CCDC138: variants seen among roughly 807,000 people sequenced by gnomAD.
CCDC138 encodes coiled-coil domain containing 138.
CCDC138 carries 66 observed loss-of-function variants against 82.3 expected under a neutral mutation model. The observed-to-expected ratio is 0.80, with a 90% CI of 0.66 to 0.98. The LOEUF (loss-of-function observed/expected upper bound fraction) is 0.98, where lower values mean the gene tolerates loss of function less well. Ranked by LOEUF, CCDC138 falls within the 50% of genes least tolerant of loss-of-function variation. The pLI, the probability that CCDC138 is intolerant of heterozygous loss-of-function variation, is 0.00. For missense variants in CCDC138, 816 were observed against 758.9 expected, an observed-to-expected ratio of 1.08 and a Z score of -0.88; for synonymous variants, 297 against 265.4, an observed-to-expected ratio of 1.12 and a Z score of -1.16.
chr2:108,795,723 T>C (rs1680755159), intron 5 of CCDC138, among the ~76,000 whole-genome samples: 1 of 152,148 alleles, frequency 6.6e-6, no homozygotes, highest in Non-Finnish European at 1.5e-5. Context: ...AAGATAATAG[T>C]GGAAAGGGCA....
intron 7 of CCDC138, 47 bp from the exon 8 acceptor site, chr2:108,812,584 C>A (rs1483666485): frequency 7.2e-7 from 1 of 1,388,802 alleles, no homozygotes; most frequent in African/African-American, 1.4e-5. Flanking sequence ...TAGTATGAAA[C>A]CAGTTGAAGG....
intron 10 of CCDC138, among the ~76,000 whole-genome samples, chr2:108,821,264 A>T (rs185600662): frequency 6.6e-6 from 1 of 152,222 alleles, no homozygotes; most frequent in East Asian, 1.9e-4. Flanking sequence ...AGGCCGAGGC[A>T]GGAGAATTTC....
exon 3 of CCDC138, chr2:108,885,456 A>G (rs2105356874): frequency 6.6e-6 from 1 of 152,368 alleles, no homozygotes; most frequent in African/African-American, 2.4e-5. Context: ...ATGAAAAGTT[A>G]TACAATAAAA....
At chr2:108,815,899 A>G (rs375576496) in intron 9 of CCDC138, 42 bp from the exon 10 acceptor site, 1 of 1,519,126 alleles carries the variant, frequency 6.6e-7, no homozygotes, top group Non-Finnish European at 8.9e-7. Flanking sequence ...AAGTTTTATG[A>G]AGTTGTGAAC....
chr2:108,818,209 G>A (rs546257779), intron 10 of CCDC138, among the ~76,000 whole-genome samples: 8 of 152,230 alleles, frequency 5.3e-5, no homozygotes, highest in Non-Finnish European at 1.2e-4. Context: ...GGGAGGCTGA[G>A]GTGGTAGGAT....
intron 10 of CCDC138, among the ~76,000 whole-genome samples, chr2:108,817,483 G>C (rs1684989064): frequency 6.6e-6 from 1 of 152,024 alleles, no homozygotes; most frequent in African/African-American, 2.4e-5. Flanking sequence ...AGTAGAGACG[G>C]GGTTGCACTG....
downstream of CCDC138, chr2:108,878,334 CA>C (rs763772623): frequency 8.2e-5 from 16 of 195,548 alleles, no homozygotes; most frequent in Admixed American, 1.4e-4. Context: ...CTTTCAGGGT[CA>C]AGTGATTTCA....
intron 10 of CCDC138, among the ~76,000 whole-genome samples, chr2:108,822,974 C>A (rs1473082654): frequency 1.3e-5 from 2 of 152,082 alleles, no homozygotes; most frequent in Admixed American, 6.6e-5. Flanking sequence ...ATCTTGCAAG[C>A]AATGCCACAG....
At chr2:108,789,607 AACTACAAAAAAAACTGCCATACAGGT>A (rs1169539070) in intron 3 of CCDC138, among the ~76,000 whole-genome samples, 1 of 152,186 alleles carries the variant, frequency 6.6e-6, no homozygotes, top group Non-Finnish European at 1.5e-5. Flanking sequence ...AGAAAAAACG[AACTACAAAAAAAACTGCCATACAGGT>A]TTTGTTAGGC....
intron 9 of CCDC138, among the ~76,000 whole-genome samples, chr2:108,815,575 C>A (rs1031111995): frequency 2.1e-4 from 30 of 143,684 alleles, no homozygotes; most frequent in African/African-American, 7.1e-4. Flanking sequence ...AGGTGATTCT[C>A]CTCCCTCAGC....
At chr2:108,848,220 AATGTT>A (rs1690824220) in intron 12 of CCDC138, among the ~76,000 whole-genome samples, 1 of 152,220 alleles carries the variant, frequency 6.6e-6, no homozygotes, top group African/African-American at 2.4e-5. Context: ...AATAACATGT[AATGTT>A]CATTTCTGAT....
At chr2:108,827,056 T>C (rs137960032) in intron 10 of CCDC138, among the ~76,000 whole-genome samples, 6 of 152,330 alleles carry the variant, frequency 3.9e-5, no homozygotes, top group African/African-American at 9.6e-5. Context: ...ATTACTAATA[T>C]ATGGTTACAC....
chr2:108,827,814 T>TAAA (rs11346556), intron 10 of CCDC138, among the ~76,000 whole-genome samples: 1 of 134,110 alleles, frequency 7.5e-6, no homozygotes, highest in Non-Finnish European at 1.6e-5. Context: ...AGAATATGTC[T>TAAA]AAAAAAAAAA....
At chr2:108,872,873 A>G (rs1695494181) in intron 13 of CCDC138, among the ~76,000 whole-genome samples, 2 of 152,194 alleles carry the variant, frequency 1.3e-5, no homozygotes, top group African/African-American at 2.4e-5. Flanking sequence ...TTTCATCTAA[A>G]TAGCCCCACA....
At chr2:108,793,787 A>G (rs1220990695) in intron 4 of CCDC138, among the ~76,000 whole-genome samples, 2 of 151,408 alleles carry the variant, frequency 1.3e-5, no homozygotes, top group East Asian at 2.0e-4. Context: ...TATTTTTAGT[A>G]GAGACGGGAT....
chr2:108,796,984 CAAAG>C (rs1681022842), intron 5 of CCDC138, among the ~76,000 whole-genome samples: 1 of 152,128 alleles, frequency 6.6e-6, no homozygotes, highest in Non-Finnish European at 1.5e-5. Flanking sequence ...GTTCTCAACA[CAAAG>C]AAAGAATAAA....
intron 10 of CCDC138, among the ~76,000 whole-genome samples, chr2:108,833,726 CTTTTT>C (rs35850089): frequency 2.2e-5 from 2 of 91,040 alleles, no homozygotes; most frequent in Non-Finnish European, 4.5e-5. Flanking sequence ...GTGGAGTAAA[CTTTTT>C]TTTTTTTTTT....
At chr2:108,820,021 T>TG (rs1685404686) in intron 10 of CCDC138, among the ~76,000 whole-genome samples, 2 of 152,180 alleles carry the variant, frequency 1.3e-5, no homozygotes, top group South Asian at 4.1e-4. Context: ...AAATAAATTC[T>TG]GGAGCTGAAA....
chr2:108,860,808 T>C (rs112970604), intron 13 of CCDC138, among the ~76,000 whole-genome samples: 5 of 152,126 alleles, frequency 3.3e-5, no homozygotes, highest in East Asian at 3.9e-4. Context: ...AGTATGATAC[T>C]GGGTTTTGGA....
Sources: gnomAD v4.1 joint callset for allele counts (sites outside exome capture counted in the v4.1 genomes callset) on GRCh38, gnomAD v4.1.1 for gene constraint, MANE v1.5 for transcripts, NCBI Gene and HGNC (gene_info 2026-07-23, HGNC 2026-07-21) for gene names.